CCSER2: variants seen among roughly 807,000 people sequenced by gnomAD.
CCSER2 encodes coiled-coil serine rich protein 2.
A neutral mutation model predicts 92.3 loss-of-function variants in CCSER2; 46 were observed. That is an observed-to-expected ratio of 0.50 (90% CI 0.39 to 0.64). The LOEUF (loss-of-function observed/expected upper bound fraction) is 0.64, where lower values mean the gene tolerates loss of function less well. Among genes scored for constraint, CCSER2 ranks in the 30% least tolerant of loss-of-function variants. The probability of loss-of-function intolerance (pLI) is 0.00; values close to 1 mark genes in which losing one functional copy is unlikely to be tolerated. For missense variants in CCSER2, 1,244 were observed against 1,238.9 expected (o/e 1.00, Z -0.06); for synonymous variants, 433 against 431.4 (o/e 1.00, Z -0.04).
chr10:84,455,084 T>A (rs1384424950), intron 6 of CCSER2: 1 of 152,746 alleles, frequency 6.5e-6, no homozygotes, highest in African/African-American at 2.4e-5. Flanking sequence ...CCTATGCTTC[T>A]CCTTCGGCCA....
rs551631847 is a variant in CCSER2 at position 84,339,544 on chromosome 10, T to C, written c.-40+10736T>C. Among the ~76,000 whole-genome samples, 205 of 151,654 alleles carry C rather than the reference T, an allele frequency of 1.4e-3. 2 individuals are homozygous for C. The highest frequency in any genetic ancestry group is 1.8e-4 in the Non-Finnish European group (12 of 67,872). ...AGGCTGGAGTGCAATGGCGTGATCT[T>C]GGCTCACCGCAACCTCTGTCTCCCG... On this transcript the variant is annotated intron_variant, in intron 1 of 9. Coordinates refer to ENST00000372088, the MANE Select transcript of CCSER2 (RefSeq NM_001284240.2).
chr10:84,462,440 GTC>G (rs2133662177), intron 6 of CCSER2, among the ~76,000 whole-genome samples: 1 of 152,152 alleles, frequency 6.6e-6, no homozygotes, highest in East Asian at 1.9e-4. Context: ...TTTACAGTCT[GTC>G]TCTCTTCTCA....
At chr10:84,406,982 A>G (rs1271884091) in intron 3 of CCSER2, among the ~76,000 whole-genome samples, 2 of 152,236 alleles carry the variant, frequency 1.3e-5, no homozygotes, top group Admixed American at 6.5e-5. Context: ...GATGTTAAAC[A>G]TAGACCTCCC....
intron 1 of CCSER2, among the ~76,000 whole-genome samples, chr10:84,369,104 G>A (rs1343433141): frequency 6.7e-6 from 1 of 149,836 alleles, no homozygotes; most frequent in Non-Finnish European, 1.5e-5. Context: ...TTCCACATCT[G>A]GCAATTGTGA....
intron 9 of CCSER2, among the ~76,000 whole-genome samples, chr10:84,498,355 T>G (rs1006533977): frequency 6.6e-6 from 1 of 152,168 alleles, no homozygotes; most frequent in Non-Finnish European, 1.5e-5. Context: ...TTTGCCAAAT[T>G]AGCAAAAGAA....
At chr10:84,406,862 T>C (rs541330625) in intron 3 of CCSER2, among the ~76,000 whole-genome samples, 1 of 152,328 alleles carries the variant, frequency 6.6e-6, no homozygotes, top group East Asian at 1.9e-4. Context: ...GTGCAGATGA[T>C]TTCTAAGCTG....
At chr10:84,488,272 G>A (rs372676680) in intron 9 of CCSER2, among the ~76,000 whole-genome samples, 6 of 151,652 alleles carry the variant, frequency 4.0e-5, no homozygotes, top group Non-Finnish European at 5.9e-5. Context: ...GTTAGGGAGG[G>A]TTCCCTCTTT....
intron 6 of CCSER2, among the ~76,000 whole-genome samples, chr10:84,445,829 A>C (rs1163202420): frequency 6.6e-6 from 1 of 152,138 alleles, no homozygotes; most frequent in Admixed American, 6.5e-5. Context: ...AATATGGCAC[A>C]GTTTATTTCA....
chr10:84,419,846 C>T (rs1208502973), intron 4 of CCSER2, among the ~76,000 whole-genome samples: 1 of 152,182 alleles, frequency 6.6e-6, no homozygotes, highest in East Asian at 1.9e-4. Context: ...ACAGTTTATT[C>T]AGTAAATGAC....
intron 9 of CCSER2, among the ~76,000 whole-genome samples, chr10:84,499,030 C>T (rs1177524139): frequency 6.6e-6 from 1 of 152,234 alleles, no homozygotes; most frequent in Non-Finnish European, 1.5e-5. Context: ...CTACATGTCA[C>T]ATTACAACAT....
At chr10:84,337,021 C>CG (rs1042746212) in intron 1 of CCSER2, among the ~76,000 whole-genome samples, 1 of 152,004 alleles carries the variant, frequency 6.6e-6, no homozygotes, top group African/African-American at 2.4e-5. Context: ...AGGGTTTTAG[C>CG]GGGGGAAGTA....
intron 4 of CCSER2, among the ~76,000 whole-genome samples, chr10:84,418,816 C>A (rs967264185): frequency 6.6e-6 from 1 of 152,086 alleles, no homozygotes; most frequent in African/African-American, 2.4e-5. Flanking sequence ...TCAAAATAAA[C>A]GTGTATTTTT....
At chr10:84,502,190 T>G (rs990436768) in intron 9 of CCSER2, among the ~76,000 whole-genome samples, 1 of 151,670 alleles carries the variant, frequency 6.6e-6, no homozygotes, top group Admixed American at 6.6e-5. Context: ...TTCCAGAGGG[T>G]TTTGAAACAG....
intron 3 of CCSER2, among the ~76,000 whole-genome samples, chr10:84,412,330 C>T (rs1184405723): frequency 6.6e-6 from 1 of 151,946 alleles, no homozygotes; most frequent in African/African-American, 2.4e-5. Flanking sequence ...GGAGTCCCTC[C>T]TTTTTAATTT....
intron 6 of CCSER2, among the ~76,000 whole-genome samples, chr10:84,450,301 A>G (rs567959223): frequency 7.9e-5 from 12 of 152,220 alleles, no homozygotes; most frequent in South Asian, 2.1e-4. Context: ...TTGGTAATGA[A>G]GTAAAACAGT....
chr10:84,389,986 CCA>C (rs1218573332), intron 3 of CCSER2, among the ~76,000 whole-genome samples: 1 of 152,058 alleles, frequency 6.6e-6, no homozygotes, highest in African/African-American at 2.4e-5. Flanking sequence ...TGTTTCAGAG[CCA>C]AGTTTTGGGG....
intron 9 of CCSER2, among the ~76,000 whole-genome samples, chr10:84,482,678 GA>G (rs1198703904): frequency 6.6e-6 from 1 of 152,128 alleles, no homozygotes; most frequent in Non-Finnish European, 1.5e-5. Flanking sequence ...TTAGAAAAAA[GA>G]AACATTTCTG....
At chr10:84,482,755 ACC>A (rs1160475403) in intron 9 of CCSER2, among the ~76,000 whole-genome samples, 1 of 152,154 alleles carries the variant, frequency 6.6e-6, no homozygotes, top group Non-Finnish European at 1.5e-5. Flanking sequence ...AACAGGTTAG[ACC>A]CAAAGGATCT....
At chr10:84,425,394 A>T (rs12769933) in intron 4 of CCSER2, among the ~76,000 whole-genome samples, 31,903 of 152,148 alleles carry the variant, frequency 0.21, 3,605 homozygotes, top group Admixed American at 0.34. Flanking sequence ...TGTGACAGTG[A>T]TGAAAACCAC....
Sources: gnomAD v4.1 joint callset for allele counts (sites outside exome capture counted in the v4.1 genomes callset) on GRCh38, gnomAD v4.1.1 for gene constraint, MANE v1.5 for transcripts, NCBI Gene and HGNC (gene_info 2026-07-23, HGNC 2026-07-21) for gene names.